SRGAP3: variants seen among roughly 807,000 people sequenced by gnomAD.
SRGAP3 encodes SLIT-ROBO Rho GTPase-activating protein 3.
In SRGAP3, 39 loss-of-function variants were observed where a neutral mutation model predicts 121.1. The observed-to-expected ratio is 0.32, with a 90% CI of 0.25 to 0.42. The LOEUF (loss-of-function observed/expected upper bound fraction) is 0.42. Among genes scored for constraint, SRGAP3 ranks in the 10% least tolerant of loss-of-function variants. The pLI, the probability that SRGAP3 is intolerant of heterozygous loss-of-function variation, is 1.00. For synonymous variants in SRGAP3, 601 were observed against 570.0 expected (o/e 1.05, Z -0.77); for missense variants, 1,213 against 1,470.6 (o/e 0.82, Z 2.86).
At chr3:9,271,244 GA>G (rs1289903425) in intron 3 of SRGAP3, among the ~76,000 whole-genome samples, 1 of 152,230 alleles carries the variant, frequency 6.6e-6, no homozygotes, top group Non-Finnish European at 1.5e-5. Flanking sequence ...TGAGGCACAA[GA>G]ATCGCTTGAA....
intron 1 of SRGAP3, among the ~76,000 whole-genome samples, chr3:9,158,974 A>C: frequency 6.6e-6 from 1 of 151,748 alleles, no homozygotes; most frequent in African/African-American, 2.4e-5. Context: ...AGTCTCCCCT[A>C]CTCACCCTAG....
At chr3:9,233,125 A>C (rs1953275861) in intron 1 of SRGAP3, among the ~76,000 whole-genome samples, 3 of 152,216 alleles carry the variant, frequency 2.0e-5, no homozygotes, top group Non-Finnish European at 4.4e-5. Context: ...CTGTGTGCCA[A>C]GCACTGTGCT....
chr3:9,245,695 G>A (rs1044225052), intron 1 of SRGAP3, among the ~76,000 whole-genome samples: 4 of 152,170 alleles, frequency 2.6e-5, no homozygotes, highest in South Asian at 4.1e-4. Context: ...AGGCCAAGGC[G>A]GGTGGATCAC....
chr3:9,086,329 A>G (rs1008961533), intron 3 of SRGAP3, among the ~76,000 whole-genome samples: 3 of 152,082 alleles, frequency 2.0e-5, no homozygotes, highest in Non-Finnish European at 4.4e-5. Flanking sequence ...ATTCGAGACC[A>G]GCCTGGGCAA....
intron 20 of SRGAP3, among the ~76,000 whole-genome samples, chr3:8,992,335 C>CTG (rs928804914): frequency 3.5e-4 from 53 of 152,134 alleles, no homozygotes; most frequent in African/African-American, 1.2e-3. Flanking sequence ...TGGATTATAC[C>CTG]TGTTCTCAGA....
Position 9,249,341 on chromosome 3 carries a change from G to A in SRGAP3, c.-390C>T, listed in dbSNP as rs1186116963. ...TGCACAGGCACACTCACCGGGACACGCACACAGTTGTGCTGTGCACACAGG... is the reference window on the plus strand; with the variant it reads ...TGCACAGGCACACTCACCGGGACACACACACAGTTGTGCTGTGCACACAGG... On this transcript the variant is annotated 5_prime_UTR_variant, in exon 1 of 22. Coordinates refer to ENST00000383836, the MANE Select transcript of SRGAP3 (RefSeq NM_014850.4). The A allele has an allele frequency of 9.5e-6, 4 of 422,812 alleles. No individual in the cohort carries two copies. Among genetic ancestry groups the A allele is most frequent in the African/African-American group, 4.0e-5 (2 of 50,496 alleles). The allele number at this position is 422,812 out of a possible 1,614,324, so 26.2% of individuals were successfully genotyped here.
chr3:9,026,082 TC>T (rs1436924238), intron 13 of SRGAP3, among the ~76,000 whole-genome samples: 2 of 152,092 alleles, frequency 1.3e-5, no homozygotes, highest in East Asian at 3.8e-4. Context: ...CTGACCTTCC[TC>T]CCCATGCTAG....
At chr3:9,060,052 A>T (rs1049544327) in intron 6 of SRGAP3, 179 bp downstream of exon 6, 2 of 961,680 alleles carry the variant, frequency 2.1e-6, no homozygotes, top group Admixed American at 4.1e-5. Context: ...AGACACCACG[A>T]GGTAACATTC....
chr3:9,066,381 A>G (rs555111797), intron 4 of SRGAP3, among the ~76,000 whole-genome samples: 1 of 152,340 alleles, frequency 6.6e-6, no homozygotes, highest in South Asian at 2.1e-4. Flanking sequence ...ACGTGCTCCT[A>G]TCTAACCAAG....
chr3:9,214,642 C>A (rs1952554966), intron 1 of SRGAP3, among the ~76,000 whole-genome samples: 1 of 152,150 alleles, frequency 6.6e-6, no homozygotes, highest in Non-Finnish European at 1.5e-5. Flanking sequence ...GTAAAATGAG[C>A]CCCTCTGAAA....
chr3:9,203,106 G>C (rs1952124789), intron 1 of SRGAP3, among the ~76,000 whole-genome samples: 1 of 152,152 alleles, frequency 6.6e-6, no homozygotes, highest in Non-Finnish European at 1.5e-5. Flanking sequence ...TTGCACAGAA[G>C]TCTCTGACTC....
At chr3:9,032,841 G>T in intron 11 of SRGAP3, 89 bp from the exon 12 acceptor site, 2 of 1,199,032 alleles carry the variant, frequency 1.7e-6, no homozygotes, top group South Asian at 2.5e-5. Flanking sequence ...ACGACTAAAG[G>T]GGAACACAAA....
intron 1 of SRGAP3, among the ~76,000 whole-genome samples, chr3:9,154,016 T>A (rs1305206837): frequency 6.6e-6 from 1 of 151,330 alleles, no homozygotes; most frequent in African/African-American, 2.4e-5. Flanking sequence ...CTGGTTTGAG[T>A]TCAACAAAAC....
At chr3:9,076,596 A>C (rs537762276) in intron 4 of SRGAP3, among the ~76,000 whole-genome samples, 3 of 151,578 alleles carry the variant, frequency 2.0e-5, no homozygotes, top group African/African-American at 7.3e-5. Context: ...TCTTCCTCTC[A>C]TTCCCTCTGC....
intron 14 of SRGAP3, among the ~76,000 whole-genome samples, chr3:9,017,887 T>A (rs1943717437): frequency 6.6e-6 from 1 of 152,222 alleles, no homozygotes; most frequent in Non-Finnish European, 1.5e-5. Flanking sequence ...CTAGTTACTT[T>A]GAAATATACG....
chr3:9,028,115 A>C, intron 12 of SRGAP3: 1 of 1,614,206 alleles, frequency 6.2e-7, no homozygotes. Flanking sequence ...TCCTGGTTCG[A>C]GCATTTCTTC....
chr3:9,346,396 G>C (rs1432298460), intron 1 of SRGAP3, among the ~76,000 whole-genome samples: 1 of 151,942 alleles, frequency 6.6e-6, no homozygotes, highest in Non-Finnish European at 1.5e-5. Flanking sequence ...GCACTTGCCA[G>C]CATGCCAGAC....
intron 1 of SRGAP3, 49 bp from the exon 2 acceptor site, chr3:9,124,966 G>A (rs1215835885): frequency 6.2e-7 from 1 of 1,608,394 alleles, no homozygotes; most frequent in Non-Finnish European, 8.5e-7. Context: ...GGGGACGGGG[G>A]CACTGGGGCC....
chr3:9,199,749 A>G (rs1433166014), intron 1 of SRGAP3, among the ~76,000 whole-genome samples: 2 of 152,216 alleles, frequency 1.3e-5, no homozygotes. Flanking sequence ...AACTCAAAGC[A>G]TGGCTGATGG....
Sources: allele counts gnomAD v4.1 joint callset (sites outside exome capture counted in the v4.1 genomes callset), GRCh38; gene constraint gnomAD v4.1.1; transcripts MANE v1.5; gene names NCBI Gene and HGNC (gene_info 2026-07-23, HGNC 2026-07-21).